Variants in VTA1 observed in about 807,000 individuals in gnomAD.
The protein encoded by VTA1 is vacuolar protein sorting-associated protein VTA1 homolog.
In VTA1, 24 loss-of-function variants were observed where a neutral mutation model predicts 36.9. That is an observed-to-expected ratio of 0.65 (90% CI 0.47 to 0.91). VTA1 has a LOEUF of 0.91. VTA1 is among the 40% of genes least tolerant of loss of function. VTA1 has a pLI of 0.00. For synonymous variants in VTA1, 142 were observed against 130.2 expected, an observed-to-expected ratio of 1.09 and a Z score of -0.62; for missense variants, 393 against 377.2, an observed-to-expected ratio of 1.04 and a Z score of -0.35.
At chr6:142,171,570 AACCT>A (rs1775029354) in intron 4 of VTA1, among the ~76,000 whole-genome samples, 1 of 152,216 alleles carries the variant, frequency 6.6e-6, no homozygotes, top group Non-Finnish European at 1.5e-5. Context: ...CAAAGCACAT[AACCT>A]TTGTATACAT....
Position 142,178,003 on chromosome 6 carries a change from C to T in VTA1, c.411+7582C>T, listed in dbSNP as rs932948002. On this transcript the variant is annotated intron_variant, in intron 4 of 7. Transcript: ENST00000367630. ...AGTTCCAAAAGGAGTACAAAGAAAA[C>T]GAGTACAAAAAGATATCTGAAGAAA... Among the ~76,000 whole-genome samples the T allele has an allele frequency of 7.9e-5, 12 of 151,920 alleles. No individual in the cohort carries two copies. In the East Asian group the frequency reaches 2.1e-3, roughly 27 times the overall value.
At chr6:142,197,519 T>C (rs1310543355) in intron 5 of VTA1, among the ~76,000 whole-genome samples, 1 of 152,234 alleles carries the variant, frequency 6.6e-6, no homozygotes, top group Non-Finnish European at 1.5e-5. Context: ...TACAGTATAT[T>C]TTAAAAGTTT....
intron 1 of VTA1, among the ~76,000 whole-genome samples, chr6:142,159,053 A>C (rs1774719157): frequency 6.6e-6 from 1 of 152,158 alleles, no homozygotes; most frequent in South Asian, 2.1e-4. Flanking sequence ...GTACTCATCA[A>C]GATCCAAGTT....
chr6:142,217,038 C>T (rs1263737344), intron 7 of VTA1, among the ~76,000 whole-genome samples: 1 of 152,120 alleles, frequency 6.6e-6, no homozygotes, highest in Non-Finnish European at 1.5e-5. Context: ...GAAATATGAA[C>T]TGGAGCATAC....
intron 1 of VTA1, among the ~76,000 whole-genome samples, chr6:142,157,149 C>A (rs1019606552): frequency 6.6e-6 from 1 of 152,122 alleles, no homozygotes; most frequent in Non-Finnish European, 1.5e-5. Flanking sequence ...GGTGACAGAG[C>A]GAGACTCCGT....
chr6:142,198,503 A>AT lies in VTA1; in HGVS notation c.586dup (p.Ser196PhefsTer5). 1 of 1,614,172 alleles carries AT rather than the reference A, an allele frequency of 6.2e-7. No individual in the cohort carries two copies. On this transcript the variant is annotated frameshift_variant, in exon 6 of 8. Coordinates refer to ENST00000367630, the MANE Select transcript of VTA1 (RefSeq NM_016485.5). LOFTEE classifies it high-confidence loss of function. ...CCACTCAGCCAACTCAGCCATCATCATCTTCAACTTATGACCCAAGCAACA... is the reference window on the plus strand; with the variant it reads ...CCACTCAGCCAACTCAGCCATCATCATTCTTCAACTTATGACCCAAGCAACA...
chr6:142,154,756 T>C (rs1290927430), intron 1 of VTA1, among the ~76,000 whole-genome samples: 1 of 152,142 alleles, frequency 6.6e-6, no homozygotes, highest in African/African-American at 2.4e-5. Context: ...ATTTACCATA[T>C]GGGTATCATC....
At chr6:142,151,645 A>G (rs1165218302) in intron 1 of VTA1, among the ~76,000 whole-genome samples, 2 of 152,250 alleles carry the variant, frequency 1.3e-5, no homozygotes, top group Non-Finnish European at 2.9e-5. Flanking sequence ...TGGCATTGCC[A>G]TTAAACAGTG....
In VTA1 at chr6:142,198,167, ATG is replaced by A. The variant is rs1394862760; in HGVS notation, c.521-266_521-265del. Reference sequence around the variant, plus strand: ...TGTGTGTGTGTGTGTGTGTGTGTATATGTGTGTACATATACACTATATGCAAA... The same window carrying A: ...TGTGTGTGTGTGTGTGTGTGTGTATATGTGTACATATACACTATATGCAAA... On this transcript the variant is annotated intron_variant, in intron 5 of 7. Transcript: ENST00000367630. Among the ~76,000 whole-genome samples the A allele has an allele frequency of 2.4e-5, 3 of 127,594 alleles. No homozygotes were observed. In the South Asian group the frequency reaches 7.8e-4, roughly 33 times the overall value. The allele number at this position is 127,594 out of a possible 152,430, so 83.7% of individuals were successfully genotyped here. A position where few individuals can be genotyped will look rare whatever the true frequency, so the allele number is the denominator to read the frequency against.
At chr6:142,172,355 G>T (rs1228302689) in intron 4 of VTA1, among the ~76,000 whole-genome samples, 1 of 152,130 alleles carries the variant, frequency 6.6e-6, no homozygotes, top group African/African-American at 2.4e-5. Flanking sequence ...TTCAAAACAT[G>T]GAGCAATTTT....
chr6:142,200,654 G>A (rs896791444), intron 6 of VTA1, among the ~76,000 whole-genome samples: 4 of 151,948 alleles, frequency 2.6e-5, no homozygotes, highest in Non-Finnish European at 5.9e-5. Context: ...AATACACAGT[G>A]TATCCTGGCT....
Position 142,218,499 on chromosome 6 carries a change from G to T in VTA1, c.780G>T (p.Gly260=). 6.2e-7 allele frequency: 1 copy of T among 1,611,902 alleles called. No homozygotes were observed. The highest frequency in any genetic ancestry group is 8.5e-7 in the Non-Finnish European group (1 of 1,179,244). Residue 260 remains glycine, a splice_region_variant and synonymous_variant, in exon 8 of 8, where the codon GGG becomes GGT. Transcript: ENST00000367630. ...DPALFNTISQ[G]DVRLTPEDFA... ...TCCCAATTGTTCTTTTTCTTCTAGG[G>T]GATGTTCGTCTAACCCCAGAAGACT...
rs1278823082 is a variant in VTA1, at chr6:142,224,091, A to T, written c.*5448A>T. 1 of 152,172 alleles carries T rather than the reference A, an allele frequency of 6.6e-6. No homozygotes were observed. The highest frequency in any genetic ancestry group is 6.5e-5 in the Admixed American group (1 of 15,272). The allele number at this position is 152,172 out of a possible 1,614,324, so 9.4% of individuals were successfully genotyped here. On this transcript the variant is annotated 3_prime_UTR_variant, in exon 8 of 8. Coordinates refer to ENST00000367630, the MANE Select transcript of VTA1 (RefSeq NM_016485.5). The stretch of plus-strand genomic sequence containing the variant: ...AGGCAGGTCCCATAGGGAGGCAATT[A>T]AGGTTACATGAGATCATAAAGGTGA...
At chr6:142,213,231 G>A (rs1775936895) in intron 7 of VTA1, among the ~76,000 whole-genome samples, 1 of 152,192 alleles carries the variant, frequency 6.6e-6, no homozygotes, top group Non-Finnish European at 1.5e-5. Flanking sequence ...CAAGTCTGAA[G>A]CCCACCAGGA....
intron 4 of VTA1, among the ~76,000 whole-genome samples, chr6:142,170,743 C>G (rs1023140762): frequency 6.6e-6 from 1 of 152,022 alleles, no homozygotes; most frequent in Non-Finnish European, 1.5e-5. Context: ...AAGCAATTCT[C>G]CTGCCTCAGC....
At chr6:142,199,231 T>C (rs1775630567) in intron 6 of VTA1, among the ~76,000 whole-genome samples, 1 of 152,152 alleles carries the variant, frequency 6.6e-6, no homozygotes, top group African/African-American at 2.4e-5. Flanking sequence ...GTTTTTATTT[T>C]TAAAAATCTG....
Position 142,218,621 on chromosome 6 carries a change from TACTG to T in VTA1, c.905_908del (p.Leu302ArgfsTer10). On this transcript the variant is annotated frameshift_variant, in exon 8 of 8. Transcript: ENST00000367630. LOFTEE classifies it high-confidence loss of function. ...CAGAATCTACAAAAGGCTCTCAAGTTACTGACGACAGGCAGAGAATGAAGCCTTT... is the reference window on the plus strand; with the variant it reads ...CAGAATCTACAAAAGGCTCTCAAGTTACGACAGGCAGAGAATGAAGCCTTT... The T allele has an allele frequency of 2.5e-6, 4 of 1,610,614 alleles. No individual in the cohort carries two copies. Among genetic ancestry groups the T allele is most frequent in the East Asian group, 2.2e-5 (1 of 44,790 alleles).
intron 7 of VTA1, among the ~76,000 whole-genome samples, chr6:142,208,085 C>CAAAAAAAAAAAAAAA (rs567010868): frequency 1.0e-5 from 1 of 99,526 alleles, no homozygotes; most frequent in Non-Finnish European, 1.9e-5. Context: ...AGACTTCCAT[C>CAAAAAAAAAAAAAAA]AAAAAAAAAA....
intron 1 of VTA1, among the ~76,000 whole-genome samples, chr6:142,149,774 T>G (rs1778531862): frequency 6.6e-6 from 1 of 152,208 alleles, no homozygotes; most frequent in Non-Finnish European, 1.5e-5. Context: ...TTTCTTTTCG[T>G]GTATTTGTTT....
Sources: allele counts gnomAD v4.1 joint callset (sites outside exome capture counted in the v4.1 genomes callset), GRCh38; gene constraint gnomAD v4.1.1; transcripts MANE v1.5; gene names NCBI Gene and HGNC (gene_info 2026-07-23, HGNC 2026-07-21).